SPRR2G: variants seen among roughly 807,000 people sequenced by gnomAD.
SPRR2G encodes small proline-rich protein 2G.
Under a neutral mutation model 0.7 loss-of-function variants are expected in SPRR2G, and 1 was observed. The ratio of observed to expected loss-of-function variants is 1.49; its 90% CI spans 0.53 to 7.06. The LOEUF is 7.06. Ranked by LOEUF, SPRR2G falls within the 30% of genes most tolerant of loss-of-function variation. The probability of loss-of-function intolerance (pLI) is 0.14; values close to 1 mark genes in which losing one functional copy is unlikely to be tolerated. For missense variants in SPRR2G, 96 were observed against 88.5 expected, an observed-to-expected ratio of 1.09 and a Z score of -0.34; for synonymous variants, 38 against 33.9, an observed-to-expected ratio of 1.12 and a Z score of -0.42.
chr1:153,157,420 A>T, the SPRR2G span, among the ~76,000 whole-genome samples: 1 of 152,230 alleles, frequency 6.6e-6, no homozygotes, highest in Non-Finnish European at 1.5e-5. Context: ...CAAATTGTTG[A>T]TAATTTTTGA....
At chr1:153,174,104 C>T in the SPRR2G span, among the ~76,000 whole-genome samples, 1 of 152,072 alleles carries the variant, frequency 6.6e-6, no homozygotes, top group Non-Finnish European at 1.5e-5. Context: ...TGGCATAACC[C>T]ATATGTAAGC....
chr1:153,187,844 C>T, the SPRR2G span, among the ~76,000 whole-genome samples: 621 of 152,218 alleles, frequency 4.1e-3, no homozygotes, highest in Middle Eastern at 0.034. Flanking sequence ...TGGATTTATC[C>T]GCCTTTGAGC....
chr1:153,189,335 A>G, the SPRR2G span, among the ~76,000 whole-genome samples: 1 of 152,058 alleles, frequency 6.6e-6, no homozygotes, highest in South Asian at 2.1e-4. Flanking sequence ...ATTATTCCCT[A>G]TGGTTATAAG....
the SPRR2G span, among the ~76,000 whole-genome samples, chr1:153,161,190 A>T: frequency 1.8e-4 from 27 of 151,522 alleles, no homozygotes; most frequent in Non-Finnish European, 3.7e-4. Flanking sequence ...CATATGTAAC[A>T]AAACTGCACG....
At chr1:153,202,024 G>A in the SPRR2G span, among the ~76,000 whole-genome samples, 2 of 152,146 alleles carry the variant, frequency 1.3e-5, no homozygotes, top group South Asian at 2.1e-4. Context: ...TTAAACAAAC[G>A]AGTGACTAAT....
At chr1:153,164,209 A>G in the SPRR2G span, among the ~76,000 whole-genome samples, 3,360 of 152,322 alleles carry the variant, frequency 0.022, 112 homozygotes, top group East Asian at 0.11. Context: ...CCAAAGAACA[A>G]TGATGGAGAT....
At chr1:153,175,067 T>C in the SPRR2G span, among the ~76,000 whole-genome samples, 1 of 152,200 alleles carries the variant, frequency 6.6e-6, no homozygotes, top group Non-Finnish European at 1.5e-5. Flanking sequence ...ATTGTTAGAA[T>C]GATCAGAGCT....
At chr1:153,160,437 A>G in the SPRR2G span, among the ~76,000 whole-genome samples, 3 of 152,228 alleles carry the variant, frequency 2.0e-5, no homozygotes, top group Non-Finnish European at 2.9e-5. Flanking sequence ...AAAAGGAATT[A>G]CTGAATTATT....
At chr1:153,183,243 A>G in the SPRR2G span, among the ~76,000 whole-genome samples, 2 of 140,074 alleles carry the variant, frequency 1.4e-5, no homozygotes, top group Non-Finnish European at 3.1e-5. Flanking sequence ...ATGCGCCACC[A>G]CACCCAGCTA....
the SPRR2G span, among the ~76,000 whole-genome samples, chr1:153,197,398 T>A: frequency 2.6e-4 from 39 of 152,174 alleles, no homozygotes; most frequent in East Asian, 5.8e-3. Context: ...GATATATTCA[T>A]GTTGGAAGCT....
At chr1:153,187,033 C>T in the SPRR2G span, among the ~76,000 whole-genome samples, 2 of 152,312 alleles carry the variant, frequency 1.3e-5, no homozygotes, top group Admixed American at 1.3e-4. Flanking sequence ...GGCCCCCACC[C>T]TCTTCTGGCA....
the SPRR2G span, among the ~76,000 whole-genome samples, chr1:153,187,161 C>T: frequency 1.4e-4 from 21 of 152,294 alleles, no homozygotes; most frequent in South Asian, 6.2e-4. Flanking sequence ...CTTGGAGAAT[C>T]TGACAATTAT....
the SPRR2G span, among the ~76,000 whole-genome samples, chr1:153,196,847 A>G: frequency 3.3e-5 from 5 of 152,186 alleles, no homozygotes; most frequent in Non-Finnish European, 7.3e-5. Flanking sequence ...CCATTAAGAC[A>G]TCTGCCCCAG....
At chr1:153,194,727 A>G in the SPRR2G span, among the ~76,000 whole-genome samples, 22 of 152,340 alleles carry the variant, frequency 1.4e-4, 1 homozygote, top group South Asian at 4.6e-3. Context: ...TGTCTCAGAC[A>G]GCAGCATCCG....
chr1:153,187,957 GCC>G, the SPRR2G span, among the ~76,000 whole-genome samples: 29 of 152,106 alleles, frequency 1.9e-4, no homozygotes, highest in Admixed American at 6.5e-5. Context: ...CAACAGTCAG[GCC>G]CCTCTTCTGC....
the SPRR2G span, among the ~76,000 whole-genome samples, chr1:153,186,189 T>C: frequency 6.6e-6 from 1 of 152,232 alleles, no homozygotes; most frequent in South Asian, 2.1e-4. Flanking sequence ...ATGTACGTTC[T>C]GTTGATTTGG....
At chr1:153,154,834 C>T (rs568068827), upstream of SPRR2G, among the ~76,000 whole-genome samples, 2 of 152,238 alleles carry the variant, frequency 1.3e-5, no homozygotes, top group African/African-American at 2.4e-5. Flanking sequence ...ACCCCTCAAC[C>T]CATGGCAGTC....
At chr1:153,162,736 T>C in the SPRR2G span, among the ~76,000 whole-genome samples, 2 of 152,204 alleles carry the variant, frequency 1.3e-5, no homozygotes, top group African/African-American at 4.8e-5. Context: ...AGATGTTATG[T>C]CTTCCAGGAA....
the SPRR2G span, among the ~76,000 whole-genome samples, chr1:153,202,223 C>T: frequency 3.3e-5 from 5 of 152,196 alleles, no homozygotes; most frequent in African/African-American, 4.8e-5. Context: ...TTCATACTGA[C>T]CCTCCCCGAA....
Sources: gnomAD v4.1 joint callset for allele counts (sites outside exome capture counted in the v4.1 genomes callset) on GRCh38, gnomAD v4.1.1 for gene constraint, MANE v1.5 for transcripts, NCBI Gene and HGNC (gene_info 2026-07-23, HGNC 2026-07-21) for gene names.